The following AMZ1 variants were observed in gnomAD, a reference collection of about 807,000 sequenced individuals.
The protein encoded by AMZ1 is archaelysin family metallopeptidase 1.
AMZ1 carries 39 observed loss-of-function variants against 29.9 expected under a neutral mutation model. The observed-to-expected ratio is 1.30, with a 90% CI of 1.01 to 1.70. AMZ1 has a LOEUF of 1.70. Ranked by LOEUF, AMZ1 falls within the 40% of genes most tolerant of loss-of-function variation. The probability of loss-of-function intolerance (pLI) is 0.00; values close to 1 mark genes in which losing one functional copy is unlikely to be tolerated. For missense variants in AMZ1, 1,041 were observed against 680.6 expected, an observed-to-expected ratio of 1.53 and a Z score of -5.89; for synonymous variants, 458 against 304.0, an observed-to-expected ratio of 1.51 and a Z score of -5.27.
At chr7:2,751,367 G>A (rs1031147894) in intron 4 of AMZ1, among the ~76,000 whole-genome samples, 1 of 149,424 alleles carries the variant, frequency 6.7e-6, no homozygotes, top group Non-Finnish European at 1.5e-5. Flanking sequence ...ATCCAGTATA[G>A]GCAACAGAGC....
intron 3 of AMZ1, among the ~76,000 whole-genome samples, chr7:2,703,421 G>A (rs755260190): frequency 1.3e-5 from 2 of 152,136 alleles, no homozygotes; most frequent in African/African-American, 2.4e-5. Context: ...GATGACAGGC[G>A]TGAGTCACCG....
chr7:2,754,271 C>A (rs916102319), intron 4 of AMZ1, among the ~76,000 whole-genome samples: 1 of 152,158 alleles, frequency 6.6e-6, no homozygotes, highest in Non-Finnish European at 1.5e-5. Flanking sequence ...TATGTGCCAT[C>A]GGCATGTCCT....
chr7:2,744,616 C>A (rs1335632952), intron 4 of AMZ1, among the ~76,000 whole-genome samples: 1 of 152,200 alleles, frequency 6.6e-6, no homozygotes, highest in South Asian at 2.1e-4. Context: ...GAGCACCTCT[C>A]CTCCTCCAAA....
chr7:2,758,343 ACGT>A (rs1791398147), intron 4 of AMZ1, among the ~76,000 whole-genome samples: 1 of 152,202 alleles, frequency 6.6e-6, no homozygotes, highest in Admixed American at 6.5e-5. Flanking sequence ...ACATCCTCAT[ACGT>A]CGTGTGGCCT....
Position 2,713,041 on chromosome 7 carries a change from C to G in AMZ1, c.*163C>G. 1 of 682,832 alleles carries G rather than the reference C, an allele frequency of 1.5e-6. No individual in the cohort carries two copies. Among genetic ancestry groups the G allele is most frequent in the East Asian group, 3.4e-5 (1 of 29,844 alleles). 42.3% of individuals were successfully genotyped at this position (682,832 alleles called of 1,614,324 possible). A position where few individuals can be genotyped will look rare whatever the true frequency, so the allele number is the denominator to read the frequency against. On this transcript the variant is annotated 3_prime_UTR_variant, in exon 7 of 7. Coordinates refer to ENST00000683327, the MANE Select transcript of AMZ1 (RefSeq NM_001384743.1). ...CTTTGAGAGGCCAGGAGTTTGAGAC[C>G]AGACTGGGCAACATGGTGAGACTCT...
At chr7:2,689,279 G>A in intron 1 of AMZ1, among the ~76,000 whole-genome samples, 1 of 152,192 alleles carries the variant, frequency 6.6e-6, no homozygotes, top group East Asian at 1.9e-4. Context: ...ATGAGTGCCC[G>A]GAGCTGTGCG....
chr7:2,680,233 G>T (rs763864361), intron 1 of AMZ1, among the ~76,000 whole-genome samples: 11 of 152,284 alleles, frequency 7.2e-5, no homozygotes, highest in Middle Eastern at 3.4e-3. Context: ...CGCTGAGAAG[G>T]TCTGGGTGCT....
chr7:2,756,647 G>A (rs1271851213), intron 4 of AMZ1, among the ~76,000 whole-genome samples: 1 of 152,172 alleles, frequency 6.6e-6, no homozygotes, highest in African/African-American at 2.4e-5. Flanking sequence ...GAGAGGATCT[G>A]TGTGATCTTG....
downstream of AMZ1, among the ~76,000 whole-genome samples, chr7:2,720,129 A>G (rs1464470886): frequency 6.6e-6 from 1 of 152,266 alleles, no homozygotes; most frequent in Non-Finnish European, 1.5e-5. Flanking sequence ...CAGGGCTGCC[A>G]CGCACTGCTG....
At position 2,719,670 on chromosome 7, in the gene AMZ1, G is replaced by A. The variant is rs1789336227; in HGVS notation, c.*6792G>A. On this transcript the variant is annotated 3_prime_UTR_variant, in exon 7 of 7. Transcript: ENST00000683327. ...ATTTTCATTCTCAAAATTAATAAATGCTATCAACCCCAATTTTTTTTTTTT... is the reference window on the plus strand; with the variant it reads ...ATTTTCATTCTCAAAATTAATAAATACTATCAACCCCAATTTTTTTTTTTT... Among the ~76,000 whole-genome samples, 1 of 137,732 alleles carries A rather than the reference G, an allele frequency of 7.3e-6. No individual in the cohort carries two copies. Among genetic ancestry groups the A allele is most frequent in the Non-Finnish European group, 1.5e-5 (1 of 64,540 alleles). 90.4% of individuals were successfully genotyped at this position (137,732 alleles called of 152,430 possible).
In AMZ1 at chr7:2,702,870, C is replaced by A. The variant is rs1258982719; in HGVS notation, c.453C>A (p.Asp151Glu). Residue 151 changes from aspartate to glutamate, a missense_variant, in exon 3 of 7, where the codon GAC becomes GAA. Transcript: ENST00000683327. ...CCTCGCGGCCCAGCCGGGACTCTGA[C>A]AGGCTCCAGCTCCACACAGGTGAGT... Reference protein sequence around the residue: ...RCSSRPSRDSDRLQLHTDGIL... With the variant: ...RCSSRPSRDSERLQLHTDGIL... 6.3e-7 allele frequency: 1 copy of A among 1,587,638 alleles called. No individual in the cohort carries two copies. The highest frequency in any genetic ancestry group is 1.7e-5 in the Admixed American group (1 of 58,512).
chr7:2,701,782 CCAGCCCTGGTGGTCCACG>C (rs1033767840), intron 2 of AMZ1, among the ~76,000 whole-genome samples: 2 of 152,256 alleles, frequency 1.3e-5, no homozygotes, highest in Admixed American at 6.5e-5. Flanking sequence ...AGGCTTGTCA[CCAGCCCTGGTGGTCCACG>C]CAGCCCCTTT....
chr7:2,698,875 C>G (rs1272456781), intron 1 of AMZ1, among the ~76,000 whole-genome samples: 2 of 152,098 alleles, frequency 1.3e-5, no homozygotes, highest in African/African-American at 2.4e-5. Flanking sequence ...TAGGGCTGTT[C>G]ATTCTCCCTG....
rs989521036 is a variant in AMZ1, at chr7:2,715,474, G to T, written c.*2596G>T. The stretch of plus-strand genomic sequence containing the variant: ...CATGCTGAGGGTGGGAGCCCACTGG[G>T]GTTATGACCAAAGCCTCGGCGCTCT... On this transcript the variant is annotated 3_prime_UTR_variant, in exon 7 of 7. Transcript: ENST00000683327. 1 of 152,220 alleles carries T rather than the reference G, an allele frequency of 6.6e-6. No homozygotes were observed. The highest frequency in any genetic ancestry group is 1.5e-5 in the Non-Finnish European group (1 of 68,030). 9.4% of individuals were successfully genotyped at this position (152,220 alleles called of 1,614,324 possible). A position where few individuals can be genotyped will look rare whatever the true frequency, so the allele number is the denominator to read the frequency against.
chr7:2,761,227 C>T (rs1791539092), upstream of AMZ1, among the ~76,000 whole-genome samples: 1 of 152,218 alleles, frequency 6.6e-6, no homozygotes, highest in African/African-American at 2.4e-5. Context: ...CCCGGCTCTG[C>T]TACCTCCCGG....
rs1283582813 is a variant in AMZ1, at chr7:2,700,595, C to T, written c.144C>T (p.Tyr48=). The T allele has an allele frequency of 1.2e-6, 2 of 1,610,420 alleles. No individual in the cohort carries two copies. Among genetic ancestry groups the T allele is most frequent in the African/African-American group, 1.3e-5 (1 of 74,930 alleles). The change falls in exon 2 of 7, where the codon TAC becomes TAT. Residue 48 remains tyrosine (Y), a synonymous_variant. Coordinates refer to ENST00000683327, the MANE Select transcript of AMZ1 (RefSeq NM_001384743.1). ...PAERLFLAEA[Y]NPQRTLFCTL... is the part of the protein sequence containing the mutation. ...AGCGGCTCTTCCTGGCCGAGGCCTA[C>T]AACCCGCAGAGGACGCTCTTCTGCA...
At chr7:2,707,955 T>C (rs200622431) in intron 3 of AMZ1, among the ~76,000 whole-genome samples, 2 of 145,746 alleles carry the variant, frequency 1.4e-5, no homozygotes. Context: ...TCCTGAGTAG[T>C]TGGGATTACA....
intron 4 of AMZ1, among the ~76,000 whole-genome samples, chr7:2,733,283 C>A (rs559987671): frequency 1.3e-5 from 2 of 152,184 alleles, no homozygotes; most frequent in Non-Finnish European, 2.9e-5. Flanking sequence ...TGAGACGGGG[C>A]CCAGATCCAA....
chr7:2,738,448 C>T (rs1413047907), intron 4 of AMZ1, among the ~76,000 whole-genome samples: 1 of 152,176 alleles, frequency 6.6e-6, no homozygotes, highest in Non-Finnish European at 1.5e-5. Context: ...AGCTCCGTGG[C>T]TGGAAGGAGG....
Sources: allele counts gnomAD v4.1 joint callset (sites outside exome capture counted in the v4.1 genomes callset), GRCh38; gene constraint gnomAD v4.1.1; transcripts MANE v1.5; gene names NCBI Gene and HGNC (gene_info 2026-07-23, HGNC 2026-07-21).